Variants in PRICKLE1 observed in about 807,000 individuals in gnomAD.
PRICKLE1 encodes prickle planar cell polarity protein 1.
A neutral mutation model predicts 70.2 loss-of-function variants in PRICKLE1; 14 were observed. That is an observed-to-expected ratio of 0.20 (90% CI 0.13 to 0.31). The LOEUF is 0.31. Ranked by LOEUF, PRICKLE1 falls within the 10% of genes least tolerant of loss-of-function variation. The pLI, the probability that PRICKLE1 is intolerant of heterozygous loss-of-function variation, is 1.00. For synonymous variants in PRICKLE1, 357 were observed against 379.9 expected, an observed-to-expected ratio of 0.94 and a Z score of 0.70; for missense variants, 821 against 1,026.2, an observed-to-expected ratio of 0.80 and a Z score of 2.73.
At chr12:42,496,667 A>G (rs1593138514) in intron 1 of PRICKLE1, among the ~76,000 whole-genome samples, 1 of 152,222 alleles carries the variant, frequency 6.6e-6, no homozygotes, top group Admixed American at 6.5e-5. Context: ...CAGCTTCTCC[A>G]TCACCACTCG....
chr12:42,561,912 T>C (rs1178230498), intron 1 of PRICKLE1, among the ~76,000 whole-genome samples: 3 of 141,328 alleles, frequency 2.1e-5, no homozygotes, highest in African/African-American at 5.4e-5. Flanking sequence ...TTTCTTTTTT[T>C]TTTTTTTTTT....
At chr12:42,460,869 CTTTT>C (rs1212712742) in intron 7 of PRICKLE1, 2 of 641,458 alleles carry the variant, frequency 3.1e-6, no homozygotes, top group Admixed American at 2.8e-5. Flanking sequence ...TGGGCACAGC[CTTTT>C]TTGTTTTGTT....
intron 1 of PRICKLE1, among the ~76,000 whole-genome samples, chr12:42,556,398 A>G (rs751019648): frequency 1.3e-5 from 2 of 152,174 alleles, no homozygotes; most frequent in Non-Finnish European, 2.9e-5. Context: ...ATATCTATAC[A>G]TGGCCTAAGT....
intron 1 of PRICKLE1, among the ~76,000 whole-genome samples, chr12:42,545,019 C>T: frequency 6.7e-6 from 1 of 149,690 alleles, no homozygotes; most frequent in African/African-American, 2.5e-5. Context: ...AGGTCTTGCT[C>T]TGTCACCCAG....
At chr12:42,535,877 T>C (rs748110392) in intron 1 of PRICKLE1, among the ~76,000 whole-genome samples, 2 of 152,206 alleles carry the variant, frequency 1.3e-5, no homozygotes. Context: ...TTAATGTATA[T>C]GACGATCTGT....
intron 1 of PRICKLE1, among the ~76,000 whole-genome samples, chr12:42,495,186 C>G (rs1292282249): frequency 6.6e-6 from 1 of 151,106 alleles, no homozygotes; most frequent in Non-Finnish European, 1.5e-5. Flanking sequence ...CTGGGCAACA[C>G]AGTGAAATCC....
At chr12:42,527,639 A>G (rs1401530017) in intron 1 of PRICKLE1, among the ~76,000 whole-genome samples, 1 of 152,124 alleles carries the variant, frequency 6.6e-6, no homozygotes, top group Non-Finnish European at 1.5e-5. Flanking sequence ...TACTTAACAA[A>G]TGCTTGTCCA....
At chr12:42,507,208 T>G (rs1939435498) in intron 1 of PRICKLE1, among the ~76,000 whole-genome samples, 1 of 152,190 alleles carries the variant, frequency 6.6e-6, no homozygotes, top group Admixed American at 6.5e-5. Context: ...AGCTGCTGTC[T>G]CCCTGCGTTC....
chr12:42,475,708 GAA>G (rs1378602289), intron 1 of PRICKLE1, among the ~76,000 whole-genome samples: 1 of 152,110 alleles, frequency 6.6e-6, no homozygotes, highest in East Asian at 1.9e-4. Flanking sequence ...ATTCACTGAC[GAA>G]AGTTTTTCTT....
chr12:42,470,458 C>A (rs1260387174), intron 2 of PRICKLE1, 99 bp from the exon 3 acceptor site: 11 of 825,938 alleles, frequency 1.3e-5, no homozygotes, highest in Non-Finnish European at 2.1e-6. Context: ...CAGGGTTTGG[C>A]CTCTTGTAGC....
chr12:42,578,791 T>C (rs947700401), intron 1 of PRICKLE1, among the ~76,000 whole-genome samples: 1 of 142,656 alleles, frequency 7.0e-6, no homozygotes, highest in Admixed American at 6.9e-5. Flanking sequence ...AGACTGAGTT[T>C]CACTCTTGTT....
At chr12:42,527,213 A>G (rs908982544) in intron 1 of PRICKLE1, among the ~76,000 whole-genome samples, 17 of 140,884 alleles carry the variant, frequency 1.2e-4, no homozygotes, top group African/African-American at 4.5e-4. Context: ...GCTCACTGCA[A>G]TCTCTGCCTC....
intron 5 of PRICKLE1, among the ~76,000 whole-genome samples, chr12:42,467,280 C>G (rs1417657610): frequency 6.6e-6 from 1 of 151,994 alleles, no homozygotes; most frequent in Non-Finnish European, 1.5e-5. Flanking sequence ...CCATGCCCAG[C>G]TAATTTTTGT....
At chr12:42,498,803 C>T (rs1410375874) in intron 1 of PRICKLE1, among the ~76,000 whole-genome samples, 1 of 152,172 alleles carries the variant, frequency 6.6e-6, no homozygotes, top group Non-Finnish European at 1.5e-5. Flanking sequence ...ATGTTTCATT[C>T]TGCTGTTTCT....
At chr12:42,493,919 A>T (rs12311369) in intron 1 of PRICKLE1, among the ~76,000 whole-genome samples, 8,092 of 152,118 alleles carry the variant, frequency 0.053, 620 homozygotes, top group African/African-American at 0.17. Flanking sequence ...AGAAAAATTA[A>T]CTATTGACTC....
chr12:42,522,164 C>T (rs890276979), intron 1 of PRICKLE1, among the ~76,000 whole-genome samples: 1 of 151,832 alleles, frequency 6.6e-6, no homozygotes, highest in Non-Finnish European at 1.5e-5. Flanking sequence ...TTAGTAGAGG[C>T]GGGGTTTCAC....
intron 1 of PRICKLE1, among the ~76,000 whole-genome samples, chr12:42,545,806 C>T (rs184346700): frequency 2.6e-5 from 4 of 151,192 alleles, no homozygotes; most frequent in South Asian, 2.1e-4. Context: ...GCCGAGATTG[C>T]GCCATTGCAC....
At position 42,459,238 on chromosome 12, in the gene PRICKLE1, T is replaced by C. The variant is rs1937697499; in HGVS notation, c.*571A>G. 1 of 678,388 alleles carries C rather than the reference T, an allele frequency of 1.5e-6. No individual in the cohort carries two copies. Among genetic ancestry groups the C allele is most frequent in the Non-Finnish European group, 2.6e-6 (1 of 378,020 alleles). 42.0% of individuals were successfully genotyped at this position (678,388 alleles called of 1,614,324 possible). On this transcript the variant is annotated 3_prime_UTR_variant, in exon 8 of 8. Transcript: ENST00000345127. ...CTTAAGTCTATGAAATACTAAGTTA[T>C]AAATAGCAATGTTTTTTGTTTTTTT... is the stretch of plus-strand genomic sequence containing the variant.
intron 1 of PRICKLE1, among the ~76,000 whole-genome samples, chr12:42,488,351 G>A (rs1796391): frequency 0.8 from 121,511 of 152,188 alleles, 48,935 homozygotes; most frequent in African/African-American, 0.89. Context: ...GACCAGGTCC[G>A]TTCATTGACC....
Sources: gnomAD v4.1 joint callset for allele counts (sites outside exome capture counted in the v4.1 genomes callset) on GRCh38, gnomAD v4.1.1 for gene constraint, MANE v1.5 for transcripts, NCBI Gene and HGNC (gene_info 2026-07-23, HGNC 2026-07-21) for gene names.